Variants in CACHD1 observed in about 807,000 individuals in gnomAD.
The protein encoded by CACHD1 is VWFA and cache domain-containing protein 1.
In CACHD1, 71 loss-of-function variants were observed where a neutral mutation model predicts 138.7. That is an observed-to-expected ratio of 0.51 (90% CI 0.42 to 0.62). CACHD1 has a LOEUF of 0.62. Among genes scored for constraint, CACHD1 ranks in the 20% least tolerant of loss-of-function variants. The pLI is 0.00. For missense variants in CACHD1, 1,389 were observed against 1,625.3 expected, an observed-to-expected ratio of 0.85 and a Z score of 2.50; for synonymous variants, 578 against 591.5, an observed-to-expected ratio of 0.98 and a Z score of 0.33.
At position 64,691,542 on chromosome 1, in the gene CACHD1, C is replaced by G. The variant is rs150816304; in HGVS notation, c.3806C>G (p.Thr1269Ser). The G allele has an allele frequency of 5.0e-5, 81 of 1,613,886 alleles. No individual in the cohort carries two copies. The Middle Eastern group carries it at 1.8e-3, about 36-fold the overall frequency. Reference protein sequence around the residue: ...HHLQAAVTVHTVDAEC With the variant: ...HHLQAAVTVHSVDAEC ...TTACAGGCGGCCGTCACGGTACACA[C>G]TGTCGATGCAGAATGCTAACAATCT... The change falls in exon 27 of 27, where the codon ACT becomes AGT. Residue 1269 changes from threonine to serine, a missense_variant. Physicochemically the swap from Thr to Ser is moderately conservative, Grantham distance 58 (BLOSUM62 1). Around this residue, in one of 5 missense-constraint regions of CACHD1, gnomAD observed 78 missense variants for 76.9 expected, o/e 1.01. Coordinates refer to ENST00000651257, the MANE Select transcript of CACHD1 (RefSeq NM_020925.4).
chr1:64,498,450 G>A lies in CACHD1; in HGVS notation c.198+27508G>A, dbSNP rs139374230. Among the ~76,000 whole-genome samples the A allele has an allele frequency of 4.0e-3, 606 of 152,244 alleles. 5 individuals are homozygous for A. The highest frequency in any genetic ancestry group is 0.013 in the African/African-American group (553 of 41,530). Reference sequence around the variant, plus strand: ...ATTTCTGAGATTTTTAAAGTTTACTGCATCTTTACTTTTGTGCAGGGAGGC... The same window carrying A: ...ATTTCTGAGATTTTTAAAGTTTACTACATCTTTACTTTTGTGCAGGGAGGC... On this transcript the variant is annotated intron_variant, in intron 1 of 26. Transcript: ENST00000651257.
At chr1:64,580,177 TG>T (rs767205047) in intron 2 of CACHD1, among the ~76,000 whole-genome samples, 2 of 152,102 alleles carry the variant, frequency 1.3e-5, no homozygotes, top group Non-Finnish European at 2.9e-5. Flanking sequence ...AATATTGCTT[TG>T]GGGAAGGAAA....
intron 4 of CACHD1, among the ~76,000 whole-genome samples, chr1:64,609,015 G>GAAAC (rs1012830180): frequency 6.6e-6 from 1 of 152,166 alleles, no homozygotes; most frequent in Non-Finnish European, 1.5e-5. Flanking sequence ...TCTTCATTGA[G>GAAAC]AAACGGGATT....
At position 64,665,291 on chromosome 1, in the gene CACHD1, C is replaced by CA. The variant is rs145298751; in HGVS notation, c.2276+623dup. On this transcript the variant is annotated intron_variant, in intron 15 of 26. Coordinates refer to ENST00000651257, the MANE Select transcript of CACHD1 (RefSeq NM_020925.4). Reference sequence around the variant, plus strand: ...GTAACATAGTGAAACCCCATCTCTACAAAAAAAAAAATACAAAAATTAGTT... The same window carrying CA: ...GTAACATAGTGAAACCCCATCTCTACAAAAAAAAAAAATACAAAAATTAGTT... Among the ~76,000 whole-genome samples, 267 of 141,500 alleles carry CA rather than the reference C, an allele frequency of 1.9e-3. 1 individual carries two copies. Among genetic ancestry groups the CA allele is most frequent in the Middle Eastern group, 3.6e-3 (1 of 278 alleles). The allele number at this position is 141,500 out of a possible 152,430, so 92.8% of individuals were successfully genotyped here. A position where few individuals can be genotyped will look rare whatever the true frequency, so the allele number is the denominator to read the frequency against.
intron 1 of CACHD1, among the ~76,000 whole-genome samples, chr1:64,472,503 G>A (rs1177108890): frequency 6.6e-6 from 1 of 152,102 alleles, no homozygotes; most frequent in East Asian, 1.9e-4. Context: ...ATGGAGTTGG[G>A]TTTTCTTGAT....
In CACHD1 at chr1:64,549,219, A is replaced by G. The variant is rs567667275; in HGVS notation, c.199-1375A>G. On this transcript the variant is annotated intron_variant, in intron 1 of 26. Coordinates refer to ENST00000651257, the MANE Select transcript of CACHD1 (RefSeq NM_020925.4). ...TCACAAAGGTGTTTTGTGAAAGTTAAATAAATAAATGTAATGTGCTTAGAA... is the reference window on the plus strand; with the variant it reads ...TCACAAAGGTGTTTTGTGAAAGTTAGATAAATAAATGTAATGTGCTTAGAA... Among the ~76,000 whole-genome samples, 12 of 152,324 alleles carry G rather than the reference A, an allele frequency of 7.9e-5. No homozygotes were observed. The South Asian group carries it at 2.5e-3, about 32-fold the overall frequency.
At chr1:64,654,092 C>T (rs560759586) in intron 11 of CACHD1, among the ~76,000 whole-genome samples, 9 of 152,062 alleles carry the variant, frequency 5.9e-5, no homozygotes, top group Admixed American at 2.6e-4. Context: ...TATTATTTGA[C>T]GATAATGTCT....
chr1:64,568,250 A>G (rs1646898372), intron 2 of CACHD1, among the ~76,000 whole-genome samples: 1 of 152,136 alleles, frequency 6.6e-6, no homozygotes, highest in South Asian at 2.1e-4. Flanking sequence ...CAGCTGTTGG[A>G]CCAGTTTGTG....
chr1:64,523,403 G>A (rs1357106450), intron 1 of CACHD1, among the ~76,000 whole-genome samples: 1 of 152,190 alleles, frequency 6.6e-6, no homozygotes, highest in East Asian at 1.9e-4. Flanking sequence ...ATAGCATTGA[G>A]GCATTTGAGT....
Position 64,629,453 on chromosome 1 carries a change from T to G in CACHD1, c.616T>G (p.Cys206Gly). The change falls in exon 5 of 27, where the codon TGT (cysteine) becomes GGT (glycine). Residue 206 changes from cysteine (C) to glycine (G), a missense_variant. Physicochemically the swap from Cys to Gly is radical, Grantham distance 159. Transcript: ENST00000651257. ...FTVFPAHKFR[C>G]KGSYEHRSRP... The stretch of plus-strand genomic sequence containing the variant: ...TGTTTTCCCAGCACACAAGTTCCGG[T>G]GTAAGGGCAGCTACGAACACCGCAG... 1.2e-6 allele frequency: 2 copies of G among 1,614,108 alleles called. No individual in the cohort carries two copies. The highest frequency in any genetic ancestry group is 1.7e-6 in the Non-Finnish European group (2 of 1,179,980).
chr1:64,583,241 T>A (rs759242787), intron 3 of CACHD1, among the ~76,000 whole-genome samples: 6 of 152,182 alleles, frequency 3.9e-5, no homozygotes, highest in African/African-American at 4.8e-5. Context: ...TCATTTTATT[T>A]CTCCATTTAT....
intron 1 of CACHD1, among the ~76,000 whole-genome samples, chr1:64,475,901 G>T (rs538844656): frequency 3.0e-4 from 46 of 152,170 alleles, no homozygotes; most frequent in Non-Finnish European, 5.7e-4. Context: ...GACACAAAAA[G>T]AGGCATTATG....
chr1:64,595,461 C>T lies in CACHD1; in HGVS notation c.411-7345C>T, dbSNP rs185710064. ...AATAACTGTAAAGTGTGTCAAGTCC[C>T]TATTAGAGGTCAAGTGGCAGGATGG... On this transcript the variant is annotated intron_variant, in intron 3 of 26. Coordinates refer to ENST00000651257, the MANE Select transcript of CACHD1 (RefSeq NM_020925.4). Among the ~76,000 whole-genome samples, 60 of 152,202 alleles carry T rather than the reference C, an allele frequency of 3.9e-4. No homozygotes were observed. The East Asian group carries it at 0.011, about 29-fold the overall frequency.
chr1:64,531,048 T>C (rs968177389), intron 1 of CACHD1, among the ~76,000 whole-genome samples: 2 of 151,842 alleles, frequency 1.3e-5, no homozygotes, highest in African/African-American at 4.8e-5. Flanking sequence ...GGCAATGAAC[T>C]GTATATCAGA....
At chr1:64,658,947 C>A in intron 13 of CACHD1, 74 bp downstream of exon 13, 1 of 1,254,994 alleles carries the variant, frequency 8.0e-7, no homozygotes, top group South Asian at 1.8e-5. Flanking sequence ...ATACCATCCA[C>A]CCCACCCCTC....
intron 4 of CACHD1, among the ~76,000 whole-genome samples, chr1:64,616,284 A>G (rs1647704828): frequency 6.6e-6 from 1 of 152,170 alleles, no homozygotes; most frequent in Non-Finnish European, 1.5e-5. Context: ...CCTCGTGAAG[A>G]GCTTCTCTCA....
Position 64,663,926 on chromosome 1 carries a change from C to T in CACHD1, c.2094+89C>T, listed in dbSNP as rs890594499. The stretch of plus-strand genomic sequence containing the variant: ...GCAGTGAACCTTTGAAGTAGGAAAC[C>T]CAGCTCTGCATCTGTGCCTCTCAGC... On this transcript the variant is annotated intron_variant, in intron 14 of 26. Transcript: ENST00000651257. 5.2e-6 allele frequency: 8 copies of T among 1,531,712 alleles called. No individual in the cohort carries two copies. The Admixed American group carries it at 1.0e-4, about 20-fold the overall frequency. 94.9% of individuals were successfully genotyped at this position (1,531,712 alleles called of 1,614,324 possible). A position where few individuals can be genotyped will look rare whatever the true frequency, so the allele number is the denominator to read the frequency against.
chr1:64,585,598 G>A (rs1357641246), intron 3 of CACHD1, among the ~76,000 whole-genome samples: 1 of 152,130 alleles, frequency 6.6e-6, no homozygotes, highest in Non-Finnish European at 1.5e-5. Flanking sequence ...AACTGCTTGG[G>A]GTGGATATTG....
At chr1:64,541,080 T>A (rs1646673721) in intron 1 of CACHD1, among the ~76,000 whole-genome samples, 2 of 152,230 alleles carry the variant, frequency 1.3e-5, no homozygotes, top group South Asian at 4.1e-4. Flanking sequence ...AAAGACTTGT[T>A]AATTGTTGAG....
Sources: gnomAD v4.1 joint callset for allele counts (sites outside exome capture counted in the v4.1 genomes callset) on GRCh38, gnomAD v4.1.1 for gene constraint, gnomAD v4.1.1 regional missense constraint, MANE v1.5 for transcripts, NCBI Gene and HGNC (gene_info 2026-07-23, HGNC 2026-07-21) for gene names.